SORD: variants seen among roughly 807,000 people sequenced by gnomAD.
SORD encodes the protein sorbitol dehydrogenase, also known as (R,R)-butanediol dehydrogenase.
Under a neutral mutation model 35.6 loss-of-function variants are expected in SORD, and 18 were observed. That is an observed-to-expected ratio of 0.51 (90% CI 0.35 to 0.75). SORD has a LOEUF of 0.75. Ranked by LOEUF, SORD falls within the 30% of genes least tolerant of loss-of-function variation. The pLI, the probability that SORD is intolerant of heterozygous loss-of-function variation, is 0.01. For missense variants in SORD, 250 were observed against 390.2 expected (o/e 0.64, Z 3.03); for synonymous variants, 106 against 152.9 (o/e 0.69, Z 2.26).
At chr15:45,062,505 G>A (rs1376065415) in intron 4 of SORD, among the ~76,000 whole-genome samples, 20 of 152,008 alleles carry the variant, frequency 1.3e-4, no homozygotes, top group African/African-American at 3.1e-4. Context: ...GGGCTTGTCC[G>A]GTGGAGGCCA....
At chr15:45,034,831 G>C (rs924587049) in intron 1 of SORD, among the ~76,000 whole-genome samples, 28 of 152,254 alleles carry the variant, frequency 1.8e-4, no homozygotes, top group African/African-American at 6.8e-4. Context: ...GGGAGGTGTG[G>C]AGAGAGAGGC....
chr15:45,064,409 T>A (rs1422262379), intron 4 of SORD, among the ~76,000 whole-genome samples: 1 of 152,196 alleles, frequency 6.6e-6, no homozygotes, highest in Non-Finnish European at 1.5e-5. Context: ...TCATGAGGAT[T>A]AAATGAGATA....
At chr15:45,035,055 C>T (rs754239537) in intron 1 of SORD, among the ~76,000 whole-genome samples, 1 of 152,306 alleles carries the variant, frequency 6.6e-6, no homozygotes, top group African/African-American at 2.4e-5. Flanking sequence ...CTCGCCGGGC[C>T]TTAGCTGCCT....
rs1173275427 is a variant in SORD, at chr15:45,055,941, T to G, written c.266-5126T>G. Among the ~76,000 whole-genome samples the G allele has an allele frequency of 2.6e-5, 4 of 151,832 alleles. No homozygotes were observed. In the East Asian group the frequency reaches 7.7e-4, roughly 29 times the overall value. ...AAGGCCTTTGACAAAATTCAACAAC[T>G]CTTCATGCTAAAAACTCTCAATAAA... On this transcript the variant is annotated intron_variant, in intron 3 of 8. Transcript: ENST00000267814.
At chr15:45,045,661 G>T (rs1410395736) in intron 3 of SORD, among the ~76,000 whole-genome samples, 1 of 151,952 alleles carries the variant, frequency 6.6e-6, no homozygotes, top group African/African-American at 2.4e-5. Context: ...TTGTGTTGGG[G>T]AGTTATTGGA....
intron 1 of SORD, among the ~76,000 whole-genome samples, chr15:45,039,244 T>C (rs1892925988): frequency 6.6e-6 from 1 of 152,122 alleles, no homozygotes; most frequent in Non-Finnish European, 1.5e-5. Context: ...TTCTCCTGCC[T>C]CAGCCTCCTG....
intron 5 of SORD, among the ~76,000 whole-genome samples, chr15:45,066,244 C>CAGTCTCA (rs1893402680): frequency 1.4e-5 from 1 of 68,988 alleles, no homozygotes; most frequent in African/African-American, 5.0e-5. Context: ...GATTCTGTCT[C>CAGTCTCA]AAAAAAAAAA....
intron 2 of SORD, chr15:45,042,372 A>T (rs1208350415): frequency 6.6e-6 from 1 of 152,120 alleles, no homozygotes; most frequent in African/African-American, 2.4e-5. Context: ...CATACCTGTA[A>T]TCCCAGCTAC....
At chr15:45,055,585 T>G (rs562945891) in intron 3 of SORD, among the ~76,000 whole-genome samples, 1 of 152,322 alleles carries the variant, frequency 6.6e-6, no homozygotes, top group South Asian at 2.1e-4. Flanking sequence ...GTACCATTCC[T>G]TCTGAAACTA....
chr15:45,040,287 T>G, intron 1 of SORD, 121 bp from the exon 2 acceptor site: 1 of 705,516 alleles, frequency 1.4e-6, no homozygotes, highest in Non-Finnish European at 2.5e-6. Context: ...TGGTCTGAGC[T>G]TGTGTTAATT....
chr15:45,073,013 C>T (rs1289705931), intron 8 of SORD, among the ~76,000 whole-genome samples: 2 of 134,792 alleles, frequency 1.5e-5, no homozygotes, highest in Non-Finnish European at 3.0e-5. Context: ...GTAAGCTGAG[C>T]TGTTAGTGGG....
intron 3 of SORD, among the ~76,000 whole-genome samples, chr15:45,044,754 A>G (rs890765437): frequency 2.1e-4 from 31 of 146,422 alleles, no homozygotes; most frequent in Non-Finnish European, 1.0e-4. Context: ...GCTGGAGTGC[A>G]GTGGTGCAAT....
At chr15:45,048,668 G>A (rs548829204) in intron 3 of SORD, among the ~76,000 whole-genome samples, 1 of 152,292 alleles carries the variant, frequency 6.6e-6, no homozygotes, top group East Asian at 1.9e-4. Context: ...TGTCTAAGGT[G>A]TTATCCAGAG....
intron 3 of SORD, among the ~76,000 whole-genome samples, chr15:45,045,741 C>T (rs1378206753): frequency 6.6e-6 from 1 of 152,036 alleles, no homozygotes; most frequent in East Asian, 1.9e-4. Flanking sequence ...TGGTGGCTTA[C>T]ACCTGTAATC....
chr15:45,061,167 G>A lies in SORD; in HGVS notation c.366G>A (p.Thr122=), dbSNP rs11542063. The A allele has an allele frequency of 0.019, 30,685 of 1,611,784 alleles. 395 individuals are homozygous for A. Among genetic ancestry groups the A allele is most frequent in the Non-Finnish European group, 0.023 (27,188 of 1,178,974 alleles). The change falls in exon 4 of 9, where the codon ACG becomes ACA. Residue 122 remains threonine, a synonymous_variant. Coordinates refer to ENST00000267814, the MANE Select transcript of SORD (RefSeq NM_003104.6). ...NLSPSIFFCA[T]PPDDGNLCRF... is the part of the protein sequence containing the mutation. ...CACCTTCCATCTTCTTCTGTGCCAC[G>A]CCCCCCGATGACGGGAACCTCTGCC...
At chr15:45,041,055 C>G (rs1566959197) in intron 2 of SORD, among the ~76,000 whole-genome samples, 1 of 152,238 alleles carries the variant, frequency 6.6e-6, no homozygotes, top group Non-Finnish European at 1.5e-5. Flanking sequence ...CTTTACTCCA[C>G]TCCTTCTAGG....
At chr15:45,062,285 G>A (rs1362627887) in intron 4 of SORD, among the ~76,000 whole-genome samples, 158 of 151,136 alleles carry the variant, frequency 1.0e-3, no homozygotes, top group Non-Finnish European at 1.9e-3. Flanking sequence ...CTCCTGCCCT[G>A]TGCCCACTCC....
At chr15:45,064,871 T>A (rs1459976201) in intron 4 of SORD, among the ~76,000 whole-genome samples, 2 of 152,256 alleles carry the variant, frequency 1.3e-5, no homozygotes, top group African/African-American at 2.4e-5. Context: ...AAAGAAAACA[T>A]AATGTGTTCA....
chr15:45,070,259 G>C, intron 7 of SORD: 1 of 152,208 alleles, frequency 6.6e-6, no homozygotes, highest in South Asian at 2.1e-4. Context: ...GCCAGGGCTG[G>C]AGAGGGTAGC....
Sources: gnomAD v4.1 joint callset for allele counts (sites outside exome capture counted in the v4.1 genomes callset) on GRCh38, gnomAD v4.1.1 for gene constraint, MANE v1.5 for transcripts, NCBI Gene and HGNC (gene_info 2026-07-23, HGNC 2026-07-21) for gene names.